The following ACADM variants were observed in gnomAD, a reference collection of about 807,000 sequenced individuals.
ACADM encodes the protein acyl-CoA dehydrogenase medium chain.
ACADM carries 49 observed loss-of-function variants against 58.9 expected under a neutral mutation model. The observed-to-expected ratio is 0.83, with a 90% CI of 0.66 to 1.06. The LOEUF (loss-of-function observed/expected upper bound fraction) is 1.06. Among genes scored for constraint, ACADM ranks in the 50% least tolerant of loss-of-function variants. The probability of loss-of-function intolerance (pLI) is 0.00; values close to 1 mark genes in which losing one functional copy is unlikely to be tolerated. For missense variants in ACADM, 496 were observed against 507.0 expected, an observed-to-expected ratio of 0.98 and a Z score of 0.21; for synonymous variants, 160 against 157.7, an observed-to-expected ratio of 1.01 and a Z score of -0.11.
chr1:75,743,742 C>G, intron 7 of ACADM: 1 of 1,547,868 alleles, frequency 6.5e-7, no homozygotes, highest in South Asian at 1.1e-5. Flanking sequence ...CAGTGATGGT[C>G]TGTTCAATAT....
intron 10 of ACADM, chr1:75,755,057 C>G (rs1767457): frequency 0.66 from 100,148 of 152,338 alleles, 33,041 homozygotes; most frequent in East Asian, 0.72. Flanking sequence ...CAGCAAGGCT[C>G]AGGGAGGGGC....
Sources: gnomAD v4.1 joint callset for allele counts on GRCh38, gnomAD v4.1.1 for gene constraint, MANE v1.5 for transcripts, NCBI Gene and HGNC (gene_info 2026-07-23, HGNC 2026-07-21) for gene names.